Variants in HUNK observed in about 807,000 individuals in gnomAD.
HUNK encodes the protein hormonally up-regulated Neu-associated kinase, also known as hormonally up-regulated neu tumor-associated kinase.
HUNK carries 21 observed loss-of-function variants against 61.0 expected under a neutral mutation model. That is an observed-to-expected ratio of 0.34 (90% CI 0.24 to 0.50). The LOEUF (loss-of-function observed/expected upper bound fraction) is 0.50. HUNK is among the 20% of genes least tolerant of loss of function. HUNK has a pLI of 0.98. For missense variants in HUNK, 772 were observed against 945.7 expected (o/e 0.82, Z 2.41); for synonymous variants, 371 against 386.1 (o/e 0.96, Z 0.46).
At chr21:31,884,180 A>G (rs2052329679) in intron 1 of HUNK, among the ~76,000 whole-genome samples, 1 of 152,126 alleles carries the variant, frequency 6.6e-6, no homozygotes, top group African/African-American at 2.4e-5. Context: ...TTGAAATTCA[A>G]ACCTCCAGTG....
intron 1 of HUNK, among the ~76,000 whole-genome samples, chr21:31,883,067 G>A (rs546251673): frequency 6.6e-6 from 1 of 150,990 alleles, no homozygotes; most frequent in African/African-American, 2.4e-5. Flanking sequence ...AAATATCCAT[G>A]ACCATTTGTC....
chr21:31,976,283 G>A (rs932507385), intron 7 of HUNK, among the ~76,000 whole-genome samples: 13 of 151,914 alleles, frequency 8.6e-5, no homozygotes, highest in Admixed American at 5.9e-4. Context: ...AGAAAGACAG[G>A]ACTTTCAACA....
Position 31,946,095 on chromosome 21 carries a change from T to C in HUNK, c.670T>C (p.Cys224Arg). 1 of 1,613,676 alleles carries C rather than the reference T, an allele frequency of 6.2e-7. No homozygotes were observed. The highest frequency in any genetic ancestry group is 8.5e-7 in the Non-Finnish European group (1 of 1,179,560). ...LGYSDPFSTQ[C>R]GSPAYAAPEL... is the part of the protein sequence containing the mutation. ...TTACTCGGATCCGTTCAGCACACAG[T>C]GTGGCAGCCCTGCCTACGCTGCACC... is the stretch of plus-strand genomic sequence containing the variant. Residue 224 changes from cysteine to arginine, a missense_variant, in exon 4 of 11, where the codon TGT becomes CGT. Physicochemically the swap from Cys to Arg is radical, Grantham distance 180. This residue lies in a region of HUNK where 359 missense variants were observed against 501.3 expected (regional missense o/e 0.72). Coordinates refer to ENST00000270112, the MANE Select transcript of HUNK (RefSeq NM_014586.2).
chr21:31,997,144 A>G (rs1483574509), intron 10 of HUNK, among the ~76,000 whole-genome samples: 1 of 152,238 alleles, frequency 6.6e-6, no homozygotes, highest in Admixed American at 6.5e-5. Flanking sequence ...CAGAGCCTAT[A>G]AAACGTTATG....
chr21:31,973,536 T>C (rs1450964196), intron 6 of HUNK, among the ~76,000 whole-genome samples: 1 of 152,112 alleles, frequency 6.6e-6, no homozygotes, highest in Non-Finnish European at 1.5e-5. Flanking sequence ...GCCCTCCCCC[T>C]GATTTCTCAG....
chr21:31,910,718 A>G (rs973713998), intron 1 of HUNK, among the ~76,000 whole-genome samples: 1 of 152,052 alleles, frequency 6.6e-6, no homozygotes, highest in African/African-American at 2.4e-5. Context: ...CGAACTCCCA[A>G]CCTCAGGTGA....
At chr21:31,908,951 G>A (rs2052527362) in intron 1 of HUNK, among the ~76,000 whole-genome samples, 1 of 151,992 alleles carries the variant, frequency 6.6e-6, no homozygotes, top group Non-Finnish European at 1.5e-5. Context: ...AATCACACAC[G>A]GTCTCAAAAA....
Position 31,982,625 on chromosome 21 carries a change from T to C in HUNK, c.1174-901T>C, listed in dbSNP as rs574433072. On this transcript the variant is annotated intron_variant, in intron 7 of 10. Transcript: ENST00000270112. ...GTTGGTTGATTAATTAATTAATCCA[T>C]GTTTTTATTTCACCCATTTCCAGAC... Among the ~76,000 whole-genome samples, 10 of 152,304 alleles carry C rather than the reference T, an allele frequency of 6.6e-5. No homozygotes were observed. In the South Asian group the frequency reaches 2.1e-3, roughly 32 times the overall value.
intron 1 of HUNK, among the ~76,000 whole-genome samples, chr21:31,917,145 T>C (rs994602886): frequency 5.9e-5 from 9 of 152,174 alleles, no homozygotes; most frequent in Non-Finnish European, 1.3e-4. Flanking sequence ...TGGTGTTTGT[T>C]TGGCAGGGAA....
At chr21:31,930,553 A>G (rs1347853741) in intron 2 of HUNK, among the ~76,000 whole-genome samples, 1 of 152,176 alleles carries the variant, frequency 6.6e-6, no homozygotes, top group East Asian at 1.9e-4. Context: ...ATAGACTCTC[A>G]GCACCCTCTA....
chr21:31,915,154 A>C (rs1267640757), intron 1 of HUNK, among the ~76,000 whole-genome samples: 1 of 152,026 alleles, frequency 6.6e-6, no homozygotes, highest in Non-Finnish European at 1.5e-5. Context: ...TTGATGCTTA[A>C]CAAGTTTCAG....
Position 31,999,298 on chromosome 21 carries a change from C to A in HUNK, c.*114C>A, listed in dbSNP as rs1313565504. 4.2e-6 allele frequency: 4 copies of A among 953,990 alleles called. No individual in the cohort carries two copies. Among genetic ancestry groups the A allele is most frequent in the Non-Finnish European group, 6.3e-6 (4 of 635,842 alleles). The allele number at this position is 953,990 out of a possible 1,614,324, so 59.1% of individuals were successfully genotyped here. On this transcript the variant is annotated 3_prime_UTR_variant, in exon 11 of 11. Transcript: ENST00000270112. The stretch of plus-strand genomic sequence containing the variant: ...TCGCGTGGAGCATCCTTAGTCCCAC[C>A]TGTAGCTGAATCCACAGACCCAAAG...
intron 5 of HUNK, among the ~76,000 whole-genome samples, chr21:31,966,142 G>A (rs1026079987): frequency 2.6e-5 from 4 of 152,002 alleles, no homozygotes; most frequent in Admixed American, 2.0e-4. Flanking sequence ...TCCCACTTAC[G>A]AGTGAGAATA....
intron 5 of HUNK, among the ~76,000 whole-genome samples, chr21:31,967,645 G>A (rs536508834): frequency 4.6e-5 from 7 of 152,140 alleles, no homozygotes; most frequent in African/African-American, 7.2e-5. Context: ...GGAGGTGGGC[G>A]GCGGTGCAGA....
rs141921105 is a variant in HUNK at position 31,924,931 on chromosome 21, T to C, written c.554+171T>C. On this transcript the variant is annotated intron_variant, in intron 2 of 10. Transcript: ENST00000270112. This position sits in a 1 kb window ranked among gnomAD's most constrained non-coding sequence, Gnocchi z 5.1. ...ATTTTTTTGAGACGGAGTTTTGTTCTTGTTGCCCAGGCTGGAGTGCAATGG... is the reference window on the plus strand; with the variant it reads ...ATTTTTTTGAGACGGAGTTTTGTTCCTGTTGCCCAGGCTGGAGTGCAATGG... 0.075 allele frequency among the ~76,000 whole-genome samples: 11,416 copies of C among 152,242 alleles called. 535 individuals carry two copies. The highest frequency in any genetic ancestry group is 0.11 in the African/African-American group (4,762 of 41,520).
Position 31,976,053 on chromosome 21 carries a change from G to GT in HUNK, c.1173+1343dup, listed in dbSNP as rs1412610206. The stretch of plus-strand genomic sequence containing the variant: ...ACAGAACTCCTTTGTTTTTGTTTTT[G>GT]TTTTTTTGTGAACCACCAAAGGAAA... On this transcript the variant is annotated intron_variant, in intron 7 of 10. Coordinates refer to ENST00000270112, the MANE Select transcript of HUNK (RefSeq NM_014586.2). Among the ~76,000 whole-genome samples, 6 of 151,856 alleles carry GT rather than the reference G, an allele frequency of 4.0e-5. 1 individual carries two copies. Among genetic ancestry groups the GT allele is most frequent in the Admixed American group, 3.3e-4 (5 of 15,240 alleles).
At chr21:31,950,033 G>A (rs963991939) in intron 4 of HUNK, among the ~76,000 whole-genome samples, 4 of 152,170 alleles carry the variant, frequency 2.6e-5, no homozygotes, top group African/African-American at 9.7e-5. Flanking sequence ...ACAGAGCCAC[G>A]ATTTGACCTA....
chr21:31,929,044 GTGTGTGTGTGTT>G (rs979504588), intron 2 of HUNK, among the ~76,000 whole-genome samples: 4 of 152,078 alleles, frequency 2.6e-5, no homozygotes, highest in Non-Finnish European at 5.9e-5. Context: ...TTGGTTGTGT[GTGTGTGTGTGTT>G]TGTGTGTGTG....
chr21:31,965,594 CTTTT>C (rs71193162), intron 5 of HUNK, among the ~76,000 whole-genome samples: 1 of 127,482 alleles, frequency 7.8e-6, no homozygotes, highest in Non-Finnish European at 1.6e-5. Flanking sequence ...CTTTGTTTTT[CTTTT>C]TTTTTTTTTT....
Sources: allele counts gnomAD v4.1 joint callset (sites outside exome capture counted in the v4.1 genomes callset), GRCh38; gene constraint gnomAD v4.1.1; regional missense constraint gnomAD v4.1.1; non-coding constraint Gnocchi (gnomAD v3.1); transcripts MANE v1.5; gene names NCBI Gene and HGNC (gene_info 2026-07-23, HGNC 2026-07-21).